HIBADH: variants seen among roughly 807,000 people sequenced by gnomAD.
HIBADH encodes 3-hydroxyisobutyrate dehydrogenase.
In HIBADH, 25 loss-of-function variants were observed where a neutral mutation model predicts 36.1. The ratio of observed to expected loss-of-function variants is 0.69; its 90% confidence interval spans 0.50 to 0.97. The LOEUF (loss-of-function observed/expected upper bound fraction) is 0.97. Ranked by LOEUF, HIBADH falls within the 50% of genes least tolerant of loss-of-function variation. The pLI is 0.00. For synonymous variants in HIBADH, 160 were observed against 149.5 expected, an observed-to-expected ratio of 1.07 and a Z score of -0.51; for missense variants, 421 against 418.0, an observed-to-expected ratio of 1.01 and a Z score of -0.06.
intron 4 of HIBADH, among the ~76,000 whole-genome samples, chr7:27,577,169 T>C (rs1784723358): frequency 6.6e-6 from 1 of 150,708 alleles, no homozygotes; most frequent in Non-Finnish European, 1.5e-5. Flanking sequence ...TTTCTCTCTT[T>C]TTTTTTTTTT....
chr7:27,623,156 G>A (rs151227573), intron 4 of HIBADH, among the ~76,000 whole-genome samples: 2,983 of 152,166 alleles, frequency 0.02, 60 homozygotes, highest in South Asian at 0.031. Context: ...GACAAAAACC[G>A]TATGATCATC....
intron 4 of HIBADH, among the ~76,000 whole-genome samples, chr7:27,582,819 G>C (rs1445411921): frequency 6.6e-6 from 1 of 152,074 alleles, no homozygotes; most frequent in Non-Finnish European, 1.5e-5. Context: ...CTTACAGTCA[G>C]CCAGGCTCAT....
intron 4 of HIBADH, among the ~76,000 whole-genome samples, chr7:27,583,300 C>CT (rs989377916): frequency 1.3e-5 from 2 of 151,944 alleles, no homozygotes; most frequent in Non-Finnish European, 2.9e-5. Context: ...TGTTAACAAC[C>CT]TTGATCTGAT....
chr7:27,570,715 G>A (rs986224755), intron 4 of HIBADH, among the ~76,000 whole-genome samples: 1 of 151,920 alleles, frequency 6.6e-6, no homozygotes, highest in East Asian at 1.9e-4. Context: ...GGGGCGGTGG[G>A]GGGAGTAAAA....
At chr7:27,539,947 CCAT>C (rs1443443350) in intron 5 of HIBADH, among the ~76,000 whole-genome samples, 1 of 150,914 alleles carries the variant, frequency 6.6e-6, no homozygotes, top group Admixed American at 6.6e-5. Context: ...GTCTTCAATC[CCAT>C]CATCTTAATA....
chr7:27,580,757 A>G (rs1032658455), intron 4 of HIBADH, among the ~76,000 whole-genome samples: 3 of 152,194 alleles, frequency 2.0e-5, no homozygotes, highest in Non-Finnish European at 4.4e-5. Context: ...TGGTCTGTGG[A>G]GTTTACATTC....
chr7:27,560,590 G>T (rs79820529), intron 4 of HIBADH, among the ~76,000 whole-genome samples: 5,885 of 152,158 alleles, frequency 0.039, 155 homozygotes, highest in African/African-American at 0.08. Context: ...TTCTTTTATT[G>T]TTAGCCTTTA....
intron 4 of HIBADH, among the ~76,000 whole-genome samples, chr7:27,587,112 G>A (rs749511346): frequency 5.9e-5 from 9 of 152,112 alleles, no homozygotes; most frequent in Non-Finnish European, 2.9e-5. Flanking sequence ...TATTACTGCT[G>A]GCTAACTGCT....
At chr7:27,555,748 T>TA (rs1160272289) in intron 4 of HIBADH, among the ~76,000 whole-genome samples, 1 of 152,210 alleles carries the variant, frequency 6.6e-6, no homozygotes, top group East Asian at 1.9e-4. Context: ...TTCAGGCATA[T>TA]AAAAAAAGTA....
chr7:27,662,832 G>T lies in HIBADH; in HGVS notation c.-44C>A, dbSNP rs977942041. ...CCCGCGGTGACCTCCGCCGCCTCCCGGAGGGCCCACAGACTGCGAGCGTGT... is the reference window on the plus strand; with the variant it reads ...CCCGCGGTGACCTCCGCCGCCTCCCTGAGGGCCCACAGACTGCGAGCGTGT... On this transcript the variant is annotated 5_prime_UTR_variant, in exon 1 of 8. Transcript: ENST00000265395. The T allele has an allele frequency of 1.3e-5, 18 of 1,408,534 alleles. No individual in the cohort carries two copies. The highest frequency in any genetic ancestry group is 1.5e-5 in the Non-Finnish European group (16 of 1,060,938). 87.3% of individuals were successfully genotyped at this position (1,408,534 alleles called of 1,614,324 possible). A position where few individuals can be genotyped will look rare whatever the true frequency, so the allele number is the denominator to read the frequency against.
intron 4 of HIBADH, among the ~76,000 whole-genome samples, chr7:27,546,179 T>G (rs35925990): frequency 0.14 from 20,910 of 152,210 alleles, 1,714 homozygotes; most frequent in Middle Eastern, 0.18. Context: ...CATAGCTCAC[T>G]GCAGCCTCAA....
At chr7:27,558,902 T>G (rs544548988) in intron 4 of HIBADH, among the ~76,000 whole-genome samples, 34 of 152,306 alleles carry the variant, frequency 2.2e-4, no homozygotes, top group African/African-American at 7.9e-4. Context: ...AAGTTTGAAA[T>G]GGTAGCTGTA....
chr7:27,530,869 GTAAAT>G (rs1348830626), intron 7 of HIBADH, among the ~76,000 whole-genome samples: 2 of 151,970 alleles, frequency 1.3e-5, no homozygotes, highest in African/African-American at 4.8e-5. Context: ...TAAGAAGTTG[GTAAAT>G]TAACATAAAT....
In HIBADH at chr7:27,568,187, T is replaced by C. The variant is rs187140058; in HGVS notation, c.485-25087A>G. On this transcript the variant is annotated intron_variant, in intron 4 of 7. Coordinates refer to ENST00000265395, the MANE Select transcript of HIBADH (RefSeq NM_152740.4). Reference sequence around the variant, plus strand: ...TCTCTGGTATCAGTTTCCTTTTACCTGAAGAAGTTCCTTTATCCTTTTTTT... The same window carrying C: ...TCTCTGGTATCAGTTTCCTTTTACCCGAAGAAGTTCCTTTATCCTTTTTTT... Among the ~76,000 whole-genome samples, 358 of 152,348 alleles carry C rather than the reference T, an allele frequency of 2.3e-3. 3 individuals are homozygous for C. Among genetic ancestry groups the C allele is most frequent in the African/African-American group, 8.2e-3 (342 of 41,598 alleles).
chr7:27,612,044 A>T (rs1365073180), intron 4 of HIBADH, among the ~76,000 whole-genome samples: 1 of 151,896 alleles, frequency 6.6e-6, no homozygotes, highest in Non-Finnish European at 1.5e-5. Context: ...TTTTATGTTA[A>T]CTCTCTCTAT....
chr7:27,598,756 C>T (rs897877150), intron 4 of HIBADH, among the ~76,000 whole-genome samples: 1 of 152,118 alleles, frequency 6.6e-6, no homozygotes, highest in Admixed American at 6.5e-5. Flanking sequence ...GAAATGCAAT[C>T]TGCACTTTGC....
chr7:27,561,486 T>C (rs1182874370), intron 4 of HIBADH, among the ~76,000 whole-genome samples: 1 of 152,200 alleles, frequency 6.6e-6, no homozygotes, highest in Non-Finnish European at 1.5e-5. Flanking sequence ...AGTCAAAGAA[T>C]GCAGTCTATA....
intron 4 of HIBADH, among the ~76,000 whole-genome samples, chr7:27,561,076 C>T (rs1271766625): frequency 6.6e-6 from 1 of 152,130 alleles, no homozygotes; most frequent in Non-Finnish European, 1.5e-5. Flanking sequence ...AGCATATTTT[C>T]ATGTGCTTAT....
At chr7:27,566,421 T>G (rs761406259) in intron 4 of HIBADH, among the ~76,000 whole-genome samples, 1 of 152,094 alleles carries the variant, frequency 6.6e-6, no homozygotes, top group Non-Finnish European at 1.5e-5. Flanking sequence ...TTTATGTCAA[T>G]TGAGTTCCTT....
Sources: allele counts gnomAD v4.1 joint callset (sites outside exome capture counted in the v4.1 genomes callset), GRCh38; gene constraint gnomAD v4.1.1; transcripts MANE v1.5; gene names NCBI Gene and HGNC (gene_info 2026-07-23, HGNC 2026-07-21).